Variants in UTP20 observed in about 807,000 individuals in gnomAD.
UTP20 encodes the protein UTP20 small subunit processome component.
In UTP20, 164 loss-of-function variants were observed where a neutral mutation model predicts 329.5. The ratio of observed to expected loss-of-function variants is 0.50; its 90% CI spans 0.44 to 0.57. UTP20 has a LOEUF of 0.57. UTP20 is among the 20% of genes least tolerant of loss of function. UTP20 has a pLI of 0.00. For synonymous variants in UTP20, 1,151 were observed against 1,159.3 expected (o/e 0.99, Z 0.14); for missense variants, 3,055 against 3,284.2 (o/e 0.93, Z 1.71).
At chr12:101,334,720 G>A (rs1009856285) in intron 29 of UTP20, among the ~76,000 whole-genome samples, 1 of 152,214 alleles carries the variant, frequency 6.6e-6, no homozygotes, top group Admixed American at 6.5e-5. Flanking sequence ...GCTCACGCCT[G>A]TAATCCCAGT....
chr12:101,370,892 T>C (rs1194416569), intron 50 of UTP20, among the ~76,000 whole-genome samples, 166 bp from the exon 51 acceptor site: 3 of 152,238 alleles, frequency 2.0e-5, no homozygotes, highest in Admixed American at 6.5e-5. Flanking sequence ...TGAAGTGTTA[T>C]GTTTAAGGGT....
At chr12:101,369,546 G>A (rs17031355) in intron 48 of UTP20, among the ~76,000 whole-genome samples, 175 bp from the exon 49 acceptor site, 29,019 of 152,182 alleles carry the variant, frequency 0.19, 3,183 homozygotes, top group East Asian at 0.37. Flanking sequence ...CTACAACCAG[G>A]AATTGTAAAT....
At chr12:101,351,057 A>C (rs762888005) in intron 38 of UTP20, among the ~76,000 whole-genome samples, 9 of 151,756 alleles carry the variant, frequency 5.9e-5, no homozygotes, top group Non-Finnish European at 1.5e-5. Context: ...CACTTTATTT[A>C]TTTCTTTTCT....
rs1870812798 is a variant in UTP20, at chr12:101,385,953, T to C, written c.8203-15T>C. 1.3e-6 allele frequency: 2 copies of C among 1,539,964 alleles called. No individual in the cohort carries two copies. The highest frequency in any genetic ancestry group is 1.8e-6 in the Non-Finnish European group (2 of 1,137,972). On this transcript the variant is annotated splice_polypyrimidine_tract_variant and intron_variant, in intron 61 of 61. Transcript: ENST00000261637. ...TACTTTAAAAGTAATATAAAATTTC[T>C]ATTCTCTTTTCCAGTTTGTAACTAA...
At chr12:101,284,144 A>G (rs1476050263) in intron 2 of UTP20, among the ~76,000 whole-genome samples, 1 of 152,058 alleles carries the variant, frequency 6.6e-6, no homozygotes, top group African/African-American at 2.4e-5. Flanking sequence ...GGTTTGTTAC[A>G]TGGGAATATT....
At chr12:101,354,261 C>CAAAAAAAAAAAAAAAA in intron 40 of UTP20, among the ~76,000 whole-genome samples, 1 of 80,008 alleles carries the variant, frequency 1.2e-5, no homozygotes, top group Non-Finnish European at 2.9e-5. Flanking sequence ...GACTCTGTCT[C>CAAAAAAAAAAAAAAAA]AAAAAAAAAA....
intron 56 of UTP20, among the ~76,000 whole-genome samples, chr12:101,376,560 TAGAA>T (rs1269249312): frequency 1.3e-5 from 2 of 151,952 alleles, no homozygotes; most frequent in Admixed American, 6.6e-5. Context: ...CAGCCAAAAA[TAGAA>T]AGGGTACAGT....
At chr12:101,347,133 G>A (rs1368454051) in intron 38 of UTP20, among the ~76,000 whole-genome samples, 1 of 152,160 alleles carries the variant, frequency 6.6e-6, no homozygotes, top group East Asian at 1.9e-4. Context: ...GTCAGAACTG[G>A]TATTCCAACT....
At chr12:101,310,353 A>T (rs1175428113) in intron 19 of UTP20, among the ~76,000 whole-genome samples, 2 of 152,020 alleles carry the variant, frequency 1.3e-5, no homozygotes, top group Non-Finnish European at 2.9e-5. Flanking sequence ...AGGCAGGTGG[A>T]TCACCTGAGG....
chr12:101,386,021 T>A lies in UTP20; in HGVS notation c.8256T>A (p.Asn2752Lys), dbSNP rs1870815632. Reference protein sequence around the residue: ...AAKKKMKKHKNKSEAKKRKIE... With the variant: ...AAKKKMKKHKKKSEAKKRKIE... ...AGAAAAAAATGAAGAAACACAAAAA[T>A]AAAAGTGAAGCAAAGAAGAGAAAGA... The change falls in exon 62 of 62, where the codon AAT (asparagine) becomes AAA (lysine). Residue 2752 changes from asparagine (N) to lysine (K), a missense_variant. Physicochemically the swap from Asn to Lys is moderately conservative, Grantham distance 94. This residue lies in a region of UTP20 where 337 missense variants were observed against 345.5 expected (regional missense o/e 0.98). Coordinates refer to ENST00000261637, the MANE Select transcript of UTP20 (RefSeq NM_014503.3). 6.2e-7 allele frequency: 1 copy of A among 1,609,268 alleles called. No individual in the cohort carries two copies. The highest frequency in any genetic ancestry group is 1.3e-5 in the African/African-American group (1 of 74,352).
intron 58 of UTP20, among the ~76,000 whole-genome samples, chr12:101,381,979 AC>A (rs1415142052): frequency 7.1e-6 from 1 of 141,332 alleles, no homozygotes; most frequent in African/African-American, 2.7e-5. Context: ...AAATCACCAC[AC>A]TGCACTCCAG....
Position 101,280,174 on chromosome 12 carries a change from C to T in UTP20, c.-109C>T. On this transcript the variant is annotated 5_prime_UTR_variant, in exon 1 of 62. Coordinates refer to ENST00000261637, the MANE Select transcript of UTP20 (RefSeq NM_014503.3). ...CAAGCCGCACGTGAGAAAGTCTGGG[C>T]ATCTGGGAATCGGAGAGTATAGCCT... The T allele has an allele frequency of 7.2e-7, 1 of 1,380,572 alleles. No individual in the cohort carries two copies. The highest frequency in any genetic ancestry group is 9.9e-7 in the Non-Finnish European group (1 of 1,009,668). 85.5% of individuals were successfully genotyped at this position (1,380,572 alleles called of 1,614,324 possible). A position where few individuals can be genotyped will look rare whatever the true frequency, so the allele number is the denominator to read the frequency against.
At chr12:101,368,111 T>C in intron 48 of UTP20, 135 bp downstream of exon 48, 1 of 628,422 alleles carries the variant, frequency 1.6e-6, no homozygotes, top group Non-Finnish European at 2.8e-6. Context: ...TTGGTGGGTT[T>C]TTTGGGGTTT....
chr12:101,311,527 T>A (rs1170392315), intron 19 of UTP20, among the ~76,000 whole-genome samples, 192 bp from the exon 20 acceptor site: 1 of 152,204 alleles, frequency 6.6e-6, no homozygotes, highest in Non-Finnish European at 1.5e-5. Context: ...TTTATGACTA[T>A]AAAAATGATT....
rs766625323 is a variant in UTP20 at position 101,291,984 on chromosome 12, A to C, written c.1053A>C (p.Thr351=). ...TCTTTTTGCAGGTGTTATCTCAAACACTGCAAGTAGCCAGTCTCTCCACAT... is the reference window on the plus strand; with the variant it reads ...TCTTTTTGCAGGTGTTATCTCAAACCCTGCAAGTAGCCAGTCTCTCCACAT... The part of the protein sequence containing the change: ...PADVCKVLSQ[T]LQVASLSTSC... The change falls in exon 10 of 62, where the codon ACA becomes ACC. Residue 351 remains threonine (T), a synonymous_variant. Coordinates refer to ENST00000261637, the MANE Select transcript of UTP20 (RefSeq NM_014503.3). 2 of 1,613,004 alleles carry C rather than the reference A, an allele frequency of 1.2e-6. No individual in the cohort carries two copies.
chr12:101,299,140 C>T (rs539979005), intron 12 of UTP20, among the ~76,000 whole-genome samples: 2 of 152,298 alleles, frequency 1.3e-5, no homozygotes, highest in African/African-American at 4.8e-5. Flanking sequence ...TAGCCTCTAT[C>T]TAATCTGTGA....
In UTP20 at chr12:101,366,387, CTAA is replaced by C. The variant is rs143432633; in HGVS notation, c.6126-166_6126-164del. Among the ~76,000 whole-genome samples the C allele has an allele frequency of 7.6e-3, 1,152 of 152,130 alleles. 13 individuals carry two copies. The highest frequency in any genetic ancestry group is 0.027 in the African/African-American group (1,100 of 41,506). ...TGTCCTAGTAACCTTAATCAACAGC[CTAA>C]TAATCTCTTCTGTATCTCATGGTTT... On this transcript the variant is annotated intron_variant, in intron 46 of 61. Transcript: ENST00000261637.
intron 54 of UTP20, among the ~76,000 whole-genome samples, chr12:101,374,222 G>A (rs375757615): frequency 1.7e-3 from 260 of 149,372 alleles, no homozygotes; most frequent in African/African-American, 5.8e-3. Context: ...GCGACAGAGC[G>A]AGACTCCGTC....
chr12:101,348,739 G>GT (rs35417344), intron 38 of UTP20, among the ~76,000 whole-genome samples: 45,518 of 97,330 alleles, frequency 0.47, 12,961 homozygotes, highest in Non-Finnish European at 0.59. Context: ...GTTTTTGGTG[G>GT]TTTTTTTTTT....
Sources: allele counts gnomAD v4.1 joint callset (sites outside exome capture counted in the v4.1 genomes callset), GRCh38; gene constraint gnomAD v4.1.1; regional missense constraint gnomAD v4.1.1; transcripts MANE v1.5; gene names NCBI Gene and HGNC (gene_info 2026-07-23, HGNC 2026-07-21).